AOC1: variants seen among roughly 807,000 people sequenced by gnomAD.
AOC1 encodes the protein amine oxidase copper containing 1.
AOC1 carries 58 observed loss-of-function variants against 57.1 expected under a neutral mutation model. The ratio of observed to expected loss-of-function variants is 1.02; its 90% CI spans 0.82 to 1.26. The LOEUF is 1.26. Among genes scored for constraint, AOC1 ranks in the 50% most tolerant of loss-of-function variants. The pLI is 0.00. For missense variants in AOC1, 917 were observed against 1,005.3 expected (o/e 0.91, Z 1.19); for synonymous variants, 401 against 423.4 (o/e 0.95, Z 0.65).
chr7:150,857,317 T>C lies in AOC1; in HGVS notation c.847T>C (p.Ser283Pro), dbSNP rs768727539. Residue 283 changes from serine to proline, a missense_variant, in exon 2 of 5, where the codon TCC (serine) becomes CCC (proline). Physicochemically the swap from Ser to Pro is moderately conservative, Grantham distance 74. Coordinates refer to ENST00000360937, the MANE Select transcript of AOC1 (RefSeq NM_001091.4). This position sits in a 1 kb window ranked among gnomAD's most constrained non-coding sequence, Gnocchi z 6.6. Reference protein sequence around the residue: ...HDSTEEPPLFSSHKPRGDFPS... With the variant: ...HDSTEEPPLFPSHKPRGDFPS... ...CAGCACAGAGGAGCCGCCCCTCTTC[T>C]CCTCCCACAAGCCCCGCGGGGACTT... The C allele has an allele frequency of 2.5e-6, 4 of 1,596,836 alleles. No homozygotes were observed. The highest frequency in any genetic ancestry group is 3.4e-6 in the Non-Finnish European group (4 of 1,169,906).
chr7:150,857,625 A>G lies in AOC1; in HGVS notation c.1155A>G (p.Leu385=), dbSNP rs762535437. The change falls in exon 2 of 5, where the codon TTA becomes TTG. Residue 385 remains leucine, a synonymous_variant. Coordinates refer to ENST00000360937, the MANE Select transcript of AOC1 (RefSeq NM_001091.4). The surrounding 1 kb of genome is among the most constrained non-coding windows in gnomAD (Gnocchi z 6.6). ...GWGLGSVTHE[L]APGIDCPETA... is the part of the protein sequence containing the mutation. The stretch of plus-strand genomic sequence containing the variant: ...GCCTGGGCAGCGTCACTCATGAGTT[A>G]GCCCCCGGCATCGACTGCCCGGAGA... 1 of 1,613,990 alleles carries G rather than the reference A, an allele frequency of 6.2e-7. No individual in the cohort carries two copies. The highest frequency in any genetic ancestry group is 8.5e-7 in the Non-Finnish European group (1 of 1,179,974).
chr7:150,853,661 CTATATA>C (rs201712777), intron 1 of AOC1, among the ~76,000 whole-genome samples: 96 of 62,746 alleles, frequency 1.5e-3, no homozygotes, highest in East Asian at 0.011. Flanking sequence ...GAGATCCTGA[CTATATA>C]TATATATATA....
At position 150,861,394 on chromosome 7, in the gene AOC1, A is replaced by G. The variant is rs1799966084; in HGVS notation, c.*185A>G. On this transcript the variant is annotated 3_prime_UTR_variant, in exon 5 of 5. Transcript: ENST00000360937. This position sits in a 1 kb window ranked among gnomAD's most constrained non-coding sequence, Gnocchi z 4.5. ...CGTGCACACACACACAGACATGCACACACACACAGACGTGCACACACACAG... is the reference window on the plus strand; with the variant it reads ...CGTGCACACACACACAGACATGCACGCACACACAGACGTGCACACACACAG... 4 of 629,180 alleles carry G rather than the reference A, an allele frequency of 6.4e-6. No homozygotes were observed. Among genetic ancestry groups the G allele is most frequent in the Admixed American group, 3.1e-5 (1 of 32,748 alleles). 39.0% of individuals were successfully genotyped at this position (629,180 alleles called of 1,614,324 possible). A position where few individuals can be genotyped will look rare whatever the true frequency, so the allele number is the denominator to read the frequency against.
At position 150,857,028 on chromosome 7, in the gene AOC1, T is replaced by C. The variant is rs754774745; in HGVS notation, c.558T>C (p.Asp186=). 19 of 1,614,028 alleles carry C rather than the reference T, an allele frequency of 1.2e-5. No homozygotes were observed. In the Admixed American group the frequency reaches 2.8e-4, roughly 24 times the overall value. The change falls in exon 2 of 5, where the codon GAT becomes GAC. Residue 186 remains aspartate (D), a synonymous_variant. Transcript: ENST00000360937. This position sits in a 1 kb window ranked among gnomAD's most constrained non-coding sequence, Gnocchi z 6.6. ...ATGACAGATGCCTGGCCTTCACCGA[T>C]GTGGCCCCCCGGGGTGTGGCTTCTG... ...DCHDRCLAFT[D]VAPRGVASGQ...
In AOC1 at chr7:150,858,833, C is replaced by T. The variant is rs1433222687; in HGVS notation, c.1641C>T (p.His547=). 2 of 1,613,872 alleles carry T rather than the reference C, an allele frequency of 1.2e-6. No homozygotes were observed. The highest frequency in any genetic ancestry group is 1.3e-5 in the African/African-American group (1 of 75,048). The change falls in exon 3 of 5, where the codon CAC becomes CAT. Residue 547 remains histidine (H), a synonymous_variant. Coordinates refer to ENST00000360937, the MANE Select transcript of AOC1 (RefSeq NM_001091.4). ...ENITNPWSPR[H]RVVQPTLEQT... is the part of the protein sequence containing the mutation. ...TCACCAACCCCTGGAGCCCAAGACACCGCGTGGTCCAGCCAACTCTGGAGC... is the reference window on the plus strand; with the variant it reads ...TCACCAACCCCTGGAGCCCAAGACATCGCGTGGTCCAGCCAACTCTGGAGC...
At position 150,858,922 on chromosome 7, in the gene AOC1, T is replaced by A. The variant is rs777486658; in HGVS notation, c.1730T>A (p.Leu577Gln). Residue 577 changes from leucine to glutamine, a missense_variant, in exon 3 of 5, where the codon CTG becomes CAG. Physicochemically the swap from Leu to Gln is moderately radical, Grantham distance 113. Transcript: ENST00000360937. ...TTCAAAAGGAAGCTGCCTAAGTACC[T>A]GCTCTTTACCAGCCCCCAGGAGAAC... is the stretch of plus-strand genomic sequence containing the variant. ...FRFKRKLPKY[L>Q]LFTSPQENPW... The A allele has an allele frequency of 1.9e-6, 3 of 1,612,728 alleles. No homozygotes were observed. The highest frequency in any genetic ancestry group is 2.5e-6 in the Non-Finnish European group (3 of 1,179,324).
At chr7:150,853,672 TATATATATATATATA>T (rs1563086910) in intron 1 of AOC1, among the ~76,000 whole-genome samples, 20 of 22,444 alleles carry the variant, frequency 8.9e-4, no homozygotes, top group African/African-American at 5.3e-3. Flanking sequence ...TATATATATA[TATATATATATATATA>T]TATATATATA....
In AOC1 at chr7:150,856,630, C is replaced by T. The variant is rs747880594; in HGVS notation, c.160C>T (p.Leu54=). The T allele has an allele frequency of 2.5e-6, 4 of 1,614,158 alleles. No homozygotes were observed. Among genetic ancestry groups the T allele is most frequent in the Non-Finnish European group, 3.4e-6 (4 of 1,179,972 alleles). Reference sequence around the variant, plus strand: ...CAGCTTCCTCTGGTCCAAGAAGGAGCTGAGGCTGCAGCCCTCCAGTACCAC... The same window carrying T: ...CAGCTTCCTCTGGTCCAAGAAGGAGTTGAGGCTGCAGCCCTCCAGTACCAC... ...VHSFLWSKKE[L]RLQPSSTTTM... The change falls in exon 2 of 5, where the codon CTG becomes TTG. Residue 54 remains leucine, a synonymous_variant. Coordinates refer to ENST00000360937, the MANE Select transcript of AOC1 (RefSeq NM_001091.4). The surrounding 1 kb of genome is among the most constrained non-coding windows in gnomAD (Gnocchi z 5.2).
chr7:150,856,504 C>T lies in AOC1; in HGVS notation c.34C>T (p.Leu12=). The stretch of plus-strand genomic sequence containing the variant: ...CCTGGGCTGGGCCGTGGCTGCCATC[C>T]TGATGCTGCAGACGGCCATGGCGGA... The part of the protein sequence containing the change: ...PALGWAVAAI[L]MLQTAMAEPS... Residue 12 remains leucine, a synonymous_variant, in exon 2 of 5, where the codon CTG becomes TTG. Transcript: ENST00000360937. This position sits in a 1 kb window ranked among gnomAD's most constrained non-coding sequence, Gnocchi z 5.2. 1 of 1,613,906 alleles carries T rather than the reference C, an allele frequency of 6.2e-7. No homozygotes were observed. Among genetic ancestry groups the T allele is most frequent in the Non-Finnish European group, 8.5e-7 (1 of 1,179,908 alleles).
Position 150,861,140 on chromosome 7 carries a change from G to A in AOC1, c.2187G>A (p.Trp729Ter), listed in dbSNP as rs760917204. Residue 729 changes from tryptophan (W) to a stop codon, truncating the protein, a stop_gained, in exon 5 of 5, where the codon TGG (tryptophan) becomes TGA (stop). Coordinates refer to ENST00000360937, the MANE Select transcript of AOC1 (RefSeq NM_001091.4). LOFTEE classifies it high-confidence loss of function. This position sits in a 1 kb window ranked among gnomAD's most constrained non-coding sequence, Gnocchi z 4.5. ...RDNGPNYVQR[W>*]IPEDRDCSMP... ...ACGGCCCCAACTACGTCCAGCGCTG[G>A]ATCCCTGAGGACAGGGACTGCTCGA... 3.7e-6 allele frequency: 6 copies of A among 1,613,884 alleles called. No individual in the cohort carries two copies. Among genetic ancestry groups the A allele is most frequent in the East Asian group, 2.2e-5 (1 of 44,888 alleles).
intron 1 of AOC1, among the ~76,000 whole-genome samples, chr7:150,853,189 T>A (rs2116816168): frequency 6.6e-6 from 1 of 152,286 alleles, no homozygotes; most frequent in Admixed American, 6.5e-5. Context: ...TAATGGTGGA[T>A]CCATGTCATT....
At chr7:150,854,440 GC>G (rs1799714404) in intron 1 of AOC1, among the ~76,000 whole-genome samples, 1 of 152,224 alleles carries the variant, frequency 6.6e-6, no homozygotes, top group Non-Finnish European at 1.5e-5. Flanking sequence ...ATCAAGAACT[GC>G]CCATCGTGTA....
chr7:150,857,646 G>A lies in AOC1; in HGVS notation c.1176G>A (p.Pro392=), dbSNP rs748358249. Residue 392 remains proline, a synonymous_variant, in exon 2 of 5, where the codon CCG becomes CCA. Transcript: ENST00000360937. This position sits in a 1 kb window ranked among gnomAD's most constrained non-coding sequence, Gnocchi z 6.6. ...AGTTAGCCCCCGGCATCGACTGCCC[G>A]GAGACCGCCACCTTCCTGGACACTT... ...THELAPGIDC[P]ETATFLDTFH... The A allele has an allele frequency of 2.6e-5, 42 of 1,613,972 alleles. No homozygotes were observed. The highest frequency in any genetic ancestry group is 5.3e-5 in the African/African-American group (4 of 74,928).
At position 150,856,861 on chromosome 7, in the gene AOC1, A is replaced by C; in HGVS notation, c.391A>C (p.Arg131=). The change falls in exon 2 of 5, where the codon AGG becomes CGG. Residue 131 remains arginine, a synonymous_variant. Transcript: ENST00000360937. This position sits in a 1 kb window ranked among gnomAD's most constrained non-coding sequence, Gnocchi z 5.2. ...CTGCTACATGCGAGCACTGTCCCCC[A>C]GGCCTGGGTACCAGTCCTCCTGGGC... ...GPCYMRALSP[R]PGYQSSWASR... 4 of 1,614,044 alleles carry C rather than the reference A, an allele frequency of 2.5e-6. No homozygotes were observed. Among genetic ancestry groups the C allele is most frequent in the Non-Finnish European group, 3.4e-6 (4 of 1,179,940 alleles).
Position 150,858,726 on chromosome 7 carries a change from C to A in AOC1, c.1571-37C>A, listed in dbSNP as rs574494275. On this transcript the variant is annotated intron_variant, in intron 2 of 4. Transcript: ENST00000360937. ...AATGAGGAGGTTTCAGTTCTGGCAG[C>A]TTGATTCTCGTTCTCCTTCTCCCTG... The A allele has an allele frequency of 2.6e-6, 4 of 1,558,454 alleles. No homozygotes were observed. The South Asian group carries it at 4.7e-5, about 18-fold the overall frequency.
Position 150,861,087 on chromosome 7 carries a change from G to C in AOC1, c.2134G>C (p.Asp712His), listed in dbSNP as rs1409160366. Residue 712 changes from aspartate to histidine, a missense_variant, in exon 5 of 5, where the codon GAC becomes CAC. Transcript: ENST00000360937. The surrounding 1 kb of genome is among the most constrained non-coding windows in gnomAD (Gnocchi z 4.5). ...AGAGGACCCCTCCCTGGCATCCAGA[G>C]ACACTGTGATCGTGTGGCCTCGGGA... is the stretch of plus-strand genomic sequence containing the variant. ...FPEDPSLASR[D>H]TVIVWPRDNG... 1 of 1,614,162 alleles carries C rather than the reference G, an allele frequency of 6.2e-7. No individual in the cohort carries two copies. Among genetic ancestry groups the C allele is most frequent in the South Asian group, 1.1e-5 (1 of 91,084 alleles).
chr7:150,853,448 A>G (rs1289089878), intron 1 of AOC1, among the ~76,000 whole-genome samples: 1 of 152,106 alleles, frequency 6.6e-6, no homozygotes, highest in Non-Finnish European at 1.5e-5. Context: ...ACTTTAATAG[A>G]CTTTATAAAG....
At chr7:150,853,849 A>G (rs1053535537) in intron 1 of AOC1, 1 of 151,922 alleles carries the variant, frequency 6.6e-6, no homozygotes, top group East Asian at 1.9e-4. Flanking sequence ...ACGGTGAAAC[A>G]CCATCTCTAC....
At position 150,861,474 on chromosome 7, in the gene AOC1, T is replaced by C. The variant is rs1470648344; in HGVS notation, c.*265T>C. 2 of 389,486 alleles carry C rather than the reference T, an allele frequency of 5.1e-6. No individual in the cohort carries two copies. The highest frequency in any genetic ancestry group is 9.2e-6 in the Non-Finnish European group (2 of 217,972). 24.1% of individuals were successfully genotyped at this position (389,486 alleles called of 1,614,324 possible). A position where few individuals can be genotyped will look rare whatever the true frequency, so the allele number is the denominator to read the frequency against. On this transcript the variant is annotated 3_prime_UTR_variant, in exon 5 of 5. Transcript: ENST00000360937. This position sits in a 1 kb window ranked among gnomAD's most constrained non-coding sequence, Gnocchi z 4.5. The stretch of plus-strand genomic sequence containing the variant: ...CACATGGCATGTACTTTATTCACAC[T>C]GGTCTACTGCAGTCCAGAAAAGCCA...
Sources: allele counts gnomAD v4.1 joint callset (sites outside exome capture counted in the v4.1 genomes callset), GRCh38; gene constraint gnomAD v4.1.1; non-coding constraint Gnocchi (gnomAD v3.1); transcripts MANE v1.5; gene names NCBI Gene and HGNC (gene_info 2026-07-23, HGNC 2026-07-21).